KANSL1: variants seen among roughly 807,000 people sequenced by gnomAD.
KANSL1 encodes KAT8 regulatory NSL complex subunit 1.
In KANSL1, 22 loss-of-function variants were observed where a neutral mutation model predicts 103.6. That is an observed-to-expected ratio of 0.21 (90% confidence interval 0.15 to 0.30). The LOEUF (loss-of-function observed/expected upper bound fraction) is 0.30, where lower values mean the gene tolerates loss of function less well. Ranked by LOEUF, KANSL1 falls within the 10% of genes least tolerant of loss-of-function variation. KANSL1 has a pLI of 1.00. For missense variants in KANSL1, 1,337 were observed against 1,399.8 expected (o/e 0.96, Z 0.72); for synonymous variants, 600 against 527.6 (o/e 1.14, Z -1.88).
At chr17:46,096,805 G>T (rs1373054898) in intron 2 of KANSL1, among the ~76,000 whole-genome samples, 1 of 151,670 alleles carries the variant, frequency 6.6e-6, no homozygotes, top group Non-Finnish European at 1.5e-5. Context: ...TTTTAGTAGA[G>T]ACGGGGTTTC....
chr17:46,040,991 T>C (rs2077293705), intron 7 of KANSL1: 2 of 152,208 alleles, frequency 1.3e-5, no homozygotes, highest in African/African-American at 2.4e-5. Flanking sequence ...TCTTAGAGAT[T>C]TGTTAAATGG....
intron 1 of KANSL1, among the ~76,000 whole-genome samples, chr17:46,216,342 G>A (rs966156972): frequency 2.0e-5 from 3 of 152,130 alleles, no homozygotes; most frequent in African/African-American, 4.8e-5. Flanking sequence ...GCCAGACTTG[G>A]TGACTCACAC....
chr17:46,076,495 CAAAA>C (rs36086421), intron 4 of KANSL1, among the ~76,000 whole-genome samples: 26 of 79,506 alleles, frequency 3.3e-4, no homozygotes, highest in Non-Finnish European at 4.4e-4. Context: ...GACTTCATCT[CAAAA>C]AAAAAAAAAA....
intron 1 of KANSL1, among the ~76,000 whole-genome samples, chr17:46,186,383 C>CAA (rs371176514): frequency 0.11 from 12,548 of 111,232 alleles, 2 homozygotes; most frequent in Non-Finnish European, 0.16. Flanking sequence ...GACTGTGTCT[C>CAA]AAAAAAAAAA....
intron 13 of KANSL1, 115 bp from the exon 14 acceptor site, chr17:46,032,414 T>C: frequency 1.2e-6 from 1 of 863,298 alleles, no homozygotes; most frequent in South Asian, 2.0e-5. Context: ...ACCAACAGAT[T>C]TTCCTTAGGA....
intron 2 of KANSL1, among the ~76,000 whole-genome samples, chr17:46,135,293 A>T (rs1597758075): frequency 2.0e-5 from 3 of 152,102 alleles, no homozygotes; most frequent in Non-Finnish European, 4.4e-5. Flanking sequence ...AGCTCTGAGT[A>T]GATGCCTGTT....
intron 6 of KANSL1, among the ~76,000 whole-genome samples, chr17:46,055,513 A>G (rs2146535580): frequency 6.6e-6 from 1 of 152,222 alleles, no homozygotes; most frequent in East Asian, 1.9e-4. Flanking sequence ...CTGTAACAAC[A>G]AAAAATGCCC....
chr17:46,171,229 T>A lies in KANSL1; in HGVS notation c.915A>T (p.Leu305Phe). The A allele has an allele frequency of 1.2e-6, 2 of 1,614,116 alleles. No individual in the cohort carries two copies. Among genetic ancestry groups the A allele is most frequent in the Non-Finnish European group, 1.7e-6 (2 of 1,180,042 alleles). The change falls in exon 2 of 15, where the codon TTA becomes TTT. Residue 305 changes from leucine (L) to phenylalanine (F), a missense_variant. By Grantham distance (22) the Leu-to-Phe change is conservative (BLOSUM62 0). Around this residue, in one of 2 missense-constraint regions of KANSL1, gnomAD observed 557 missense variants for 476.4 expected, o/e 1.17. Coordinates refer to ENST00000432791, the MANE Select transcript of KANSL1 (RefSeq NM_015443.4). ...CAACCTGCTTGGCTTGCACAACCTG[T>A]AAGCGCTTTTGTAATCTGCGGGCAC... ...ESRARRLQKRLQVVQAKQVER... is the reference protein window; with the variant it reads ...ESRARRLQKRFQVVQAKQVER...
At chr17:46,102,260 T>C (rs2042354769) in intron 2 of KANSL1, among the ~76,000 whole-genome samples, 2 of 152,172 alleles carry the variant, frequency 1.3e-5, no homozygotes, top group Non-Finnish European at 2.9e-5. Flanking sequence ...GCCAATACTT[T>C]TTTTTTTGAG....
At chr17:46,043,899 G>C (rs2077411369) in intron 7 of KANSL1, 1 of 151,796 alleles carries the variant, frequency 6.6e-6, no homozygotes, top group Non-Finnish European at 1.5e-5. Context: ...AGGAACTCCA[G>C]CTGCTAGACT....
chr17:46,097,618 A>G (rs1293088913), intron 2 of KANSL1, among the ~76,000 whole-genome samples: 3 of 152,250 alleles, frequency 2.0e-5, no homozygotes, highest in African/African-American at 7.2e-5. Context: ...TAAATATTAC[A>G]CTGGGGATAC....
chr17:46,038,527 C>G lies in KANSL1; in HGVS notation c.2541+11G>C, dbSNP rs766447665. On this transcript the variant is annotated intron_variant, in intron 10 of 14. Coordinates refer to ENST00000432791, the MANE Select transcript of KANSL1 (RefSeq NM_015443.4). ...GAGGGGGTGTCCGGCCAACCCCACA[C>G]AGGTACTTACCGATGTGCTGGCTGT... 2 of 1,613,594 alleles carry G rather than the reference C, an allele frequency of 1.2e-6. No individual in the cohort carries two copies. Among genetic ancestry groups the G allele is most frequent in the East Asian group, 4.5e-5 (2 of 44,874 alleles).
intron 4 of KANSL1, among the ~76,000 whole-genome samples, chr17:46,071,964 T>G (rs1027211403): frequency 6.6e-6 from 1 of 151,856 alleles, no homozygotes; most frequent in Non-Finnish European, 1.5e-5. Context: ...CAAGGAGGGT[T>G]GCTGAATTGC....
chr17:46,039,498 C>G, intron 8 of KANSL1: 3 of 641,302 alleles, frequency 4.7e-6, no homozygotes, highest in South Asian at 2.2e-5. Context: ...GGGTCTTGCT[C>G]CAAGATCCAT....
intron 8 of KANSL1, chr17:46,039,426 A>C (rs1363657464): frequency 1.7e-6 from 1 of 605,048 alleles, no homozygotes; most frequent in East Asian, 2.9e-5. Context: ...CAGGATACAG[A>C]AGACACCTGC....
chr17:46,196,323 A>G (rs951629131), upstream of KANSL1: 19 of 456,222 alleles, frequency 4.2e-5, no homozygotes, highest in Non-Finnish European at 7.5e-5. Context: ...TATCCACTCT[A>G]TTCTGATTAG....
At chr17:46,185,686 CATAT>C (rs148277720) in intron 1 of KANSL1, among the ~76,000 whole-genome samples, 1 of 95,978 alleles carries the variant, frequency 1.0e-5, no homozygotes, top group African/African-American at 3.4e-5. Context: ...TATACACACA[CATAT>C]ATACACACAC....
intron 2 of KANSL1, among the ~76,000 whole-genome samples, chr17:46,163,329 T>C (rs987876173): frequency 2.0e-5 from 3 of 152,224 alleles, no homozygotes; most frequent in Non-Finnish European, 2.9e-5. Flanking sequence ...TCCTCCCCCA[T>C]TTATAGAAGA....
At chr17:46,163,488 G>C (rs1474111905) in intron 2 of KANSL1, among the ~76,000 whole-genome samples, 3 of 152,172 alleles carry the variant, frequency 2.0e-5, no homozygotes, top group Non-Finnish European at 4.4e-5. Flanking sequence ...TCAACTTCCT[G>C]AGAGCTGGGA....
Sources: allele counts gnomAD v4.1 joint callset (sites outside exome capture counted in the v4.1 genomes callset), GRCh38; gene constraint gnomAD v4.1.1; regional missense constraint gnomAD v4.1.1; transcripts MANE v1.5; gene names NCBI Gene and HGNC (gene_info 2026-07-23, HGNC 2026-07-21).